CFDP1: variants seen among roughly 807,000 people sequenced by gnomAD.
CFDP1 encodes chromatin remodeling protein CFDP1.
Under a neutral mutation model 40.1 loss-of-function variants are expected in CFDP1, and 31 were observed. That is an observed-to-expected ratio of 0.77 (90% CI 0.58 to 1.04). The LOEUF (loss-of-function observed/expected upper bound fraction) is 1.04. Ranked by LOEUF, CFDP1 falls within the 50% of genes least tolerant of loss-of-function variation. The pLI, the probability that CFDP1 is intolerant of heterozygous loss-of-function variation, is 0.00. For missense variants in CFDP1, 423 were observed against 343.4 expected, an observed-to-expected ratio of 1.23 and a Z score of -1.83; for synonymous variants, 167 against 120.0, an observed-to-expected ratio of 1.39 and a Z score of -2.56.
rs1168132342 is a variant in CFDP1 at position 75,411,819 on chromosome 16, TCTTAC to T, written c.530+1_530+5del. ...CTAGTTTCAAAGTTTTTGAAGGTTC[TCTTAC>T]CTTACTTCTTCACCAGCAAAATCAA... On this transcript the variant is annotated splice_donor_variant and splice_donor_5th_base_variant and intron_variant, in intron 4 of 6. Coordinates refer to ENST00000283882, the MANE Select transcript of CFDP1 (RefSeq NM_006324.3). LOFTEE classifies it high-confidence loss of function. 1 of 1,608,008 alleles carries T rather than the reference TCTTAC, an allele frequency of 6.2e-7. No homozygotes were observed. The highest frequency in any genetic ancestry group is 8.5e-7 in the Non-Finnish European group (1 of 1,178,800).
intron 5 of CFDP1, among the ~76,000 whole-genome samples, chr16:75,356,913 T>TTC (rs2078648485): frequency 1.5e-5 from 2 of 135,076 alleles, no homozygotes; most frequent in Non-Finnish European, 3.1e-5. Flanking sequence ...CTTTCTTTCT[T>TTC]TTTTTTTTTT....
chr16:75,375,990 A>G (rs544663485), intron 5 of CFDP1, among the ~76,000 whole-genome samples: 1 of 152,260 alleles, frequency 6.6e-6, no homozygotes, highest in South Asian at 2.1e-4. Context: ...CAGCAGGAGG[A>G]CTGCTTGAGC....
At chr16:75,377,907 G>A (rs1270486795) in intron 5 of CFDP1, among the ~76,000 whole-genome samples, 1 of 152,186 alleles carries the variant, frequency 6.6e-6, no homozygotes, top group Non-Finnish European at 1.5e-5. Flanking sequence ...TCTATTTCAC[G>A]CAGCAACTTC....
intron 5 of CFDP1, among the ~76,000 whole-genome samples, chr16:75,393,137 T>C (rs1182315430): frequency 1.3e-5 from 2 of 152,154 alleles, no homozygotes; most frequent in Admixed American, 6.5e-5. Flanking sequence ...CAATGTCCGA[T>C]GGGCACTGGA....
At chr16:75,375,812 C>T (rs1271627900) in intron 5 of CFDP1, among the ~76,000 whole-genome samples, 1 of 149,368 alleles carries the variant, frequency 6.7e-6, no homozygotes, top group African/African-American at 2.5e-5. Flanking sequence ...AAAAGACTGA[C>T]AACATCACAT....
intron 5 of CFDP1, among the ~76,000 whole-genome samples, chr16:75,360,085 G>A (rs865920367): frequency 1.3e-5 from 2 of 152,196 alleles, no homozygotes; most frequent in South Asian, 4.2e-4. Flanking sequence ...AGAGAAGGGG[G>A]TCTCACTATG....
intron 4 of CFDP1, among the ~76,000 whole-genome samples, chr16:75,403,867 C>T (rs1321798567): frequency 6.6e-6 from 1 of 152,074 alleles, no homozygotes; most frequent in African/African-American, 2.4e-5. Context: ...CATGGTGGCT[C>T]ACACCTGTAA....
At chr16:75,390,955 C>T (rs919610589) in intron 5 of CFDP1, among the ~76,000 whole-genome samples, 15 of 152,190 alleles carry the variant, frequency 9.9e-5, no homozygotes, top group African/African-American at 3.6e-4. Flanking sequence ...TTTGAGAATG[C>T]CATCTGTTTC....
chr16:75,428,875 G>A (rs531010563), intron 1 of CFDP1, among the ~76,000 whole-genome samples: 26 of 152,266 alleles, frequency 1.7e-4, no homozygotes, highest in African/African-American at 5.8e-4. Flanking sequence ...CCAGCACTTT[G>A]GGAGGCCGAG....
intron 5 of CFDP1, among the ~76,000 whole-genome samples, chr16:75,312,715 C>T (rs1377752975): frequency 2.0e-5 from 3 of 152,172 alleles, no homozygotes; most frequent in African/African-American, 7.2e-5. Context: ...GTGTTTTGCC[C>T]TGTTCTGGCC....
chr16:75,359,810 AC>A (rs1474879916), intron 5 of CFDP1, among the ~76,000 whole-genome samples: 4 of 152,106 alleles, frequency 2.6e-5, no homozygotes, highest in Admixed American at 2.0e-4. Flanking sequence ...TCTTGACCAA[AC>A]CCAATTTATC....
intron 5 of CFDP1, among the ~76,000 whole-genome samples, chr16:75,305,894 C>T (rs555782449): frequency 6.6e-6 from 1 of 152,222 alleles, no homozygotes; most frequent in Non-Finnish European, 1.5e-5. Flanking sequence ...GGGGAATGTA[C>T]AGCCTGTGCT....
At chr16:75,349,693 ATAT>A (rs2078596782) in intron 5 of CFDP1, among the ~76,000 whole-genome samples, 1 of 83,080 alleles carries the variant, frequency 1.2e-5, no homozygotes, top group African/African-American at 4.8e-5. Context: ...AAAAAAAAAT[ATAT>A]ATACATACAT....
chr16:75,361,234 C>T (rs1004152125), intron 5 of CFDP1, among the ~76,000 whole-genome samples: 2 of 152,120 alleles, frequency 1.3e-5, no homozygotes, highest in African/African-American at 4.8e-5. Flanking sequence ...TGCTCTCGAT[C>T]TTCTGGCCTC....
At chr16:75,357,265 A>G (rs1383839220) in intron 5 of CFDP1, among the ~76,000 whole-genome samples, 2 of 151,442 alleles carry the variant, frequency 1.3e-5, no homozygotes, top group Non-Finnish European at 2.9e-5. Flanking sequence ...TTAATTTTTA[A>G]TTTTTTTGAA....
At chr16:75,331,253 T>C (rs2078444050) in intron 5 of CFDP1, among the ~76,000 whole-genome samples, 1 of 152,204 alleles carries the variant, frequency 6.6e-6, no homozygotes, top group Non-Finnish European at 1.5e-5. Flanking sequence ...AAAACTTACA[T>C]ACAGTGAAAT....
intron 1 of CFDP1, among the ~76,000 whole-genome samples, chr16:75,421,900 GAT>G (rs1402602071): frequency 1.3e-5 from 2 of 152,074 alleles, no homozygotes; most frequent in Non-Finnish European, 2.9e-5. Context: ...GATATAAAAT[GAT>G]GTCATATTTA....
chr16:75,400,151 G>A (rs536155772), intron 4 of CFDP1, among the ~76,000 whole-genome samples: 13 of 150,784 alleles, frequency 8.6e-5, no homozygotes, highest in South Asian at 4.2e-4. Flanking sequence ...GCATCATGGC[G>A]TGCACCTGTA....
chr16:75,388,323 A>T (rs2151556672), intron 5 of CFDP1, among the ~76,000 whole-genome samples: 1 of 152,372 alleles, frequency 6.6e-6, no homozygotes, highest in Admixed American at 6.5e-5. Flanking sequence ...TCTTTATAAA[A>T]GGGTAAAGAA....
Sources: allele counts gnomAD v4.1 joint callset (sites outside exome capture counted in the v4.1 genomes callset), GRCh38; gene constraint gnomAD v4.1.1; transcripts MANE v1.5; gene names NCBI Gene and HGNC (gene_info 2026-07-23, HGNC 2026-07-21).